Variants in SNX29 observed in about 807,000 individuals in gnomAD.
The protein encoded by SNX29 is sorting nexin-29.
A neutral mutation model predicts 102.1 loss-of-function variants in SNX29; 78 were observed. That is an observed-to-expected ratio of 0.76 (90% confidence interval 0.64 to 0.92). The LOEUF (loss-of-function observed/expected upper bound fraction) is 0.92, where lower values mean the gene tolerates loss of function less well. Among genes scored for constraint, SNX29 ranks in the 40% least tolerant of loss-of-function variants. The pLI is 0.00. For missense variants in SNX29, 1,280 were observed against 1,061.7 expected (o/e 1.21, Z -2.86); for synonymous variants, 580 against 414.5 (o/e 1.40, Z -4.85).
chr16:12,219,922 A>G (rs1176114775), intron 14 of SNX29, among the ~76,000 whole-genome samples: 1 of 152,146 alleles, frequency 6.6e-6, no homozygotes, highest in Non-Finnish European at 1.5e-5. Flanking sequence ...CCCCCAGCGC[A>G]CACACGTGTA....
intron 18 of SNX29, among the ~76,000 whole-genome samples, chr16:12,465,894 T>G (rs968768504): frequency 7.2e-5 from 11 of 152,160 alleles, no homozygotes; most frequent in African/African-American, 2.7e-4. Context: ...ATATAGATAT[T>G]TCACTTCCTT....
At chr16:12,177,764 TAACAGTG>T (rs973615471) in intron 13 of SNX29, among the ~76,000 whole-genome samples, 2 of 152,220 alleles carry the variant, frequency 1.3e-5, no homozygotes, top group African/African-American at 4.8e-5. Flanking sequence ...GCTTTGTCTG[TAACAGTG>T]TTAACTTCAA....
intron 19 of SNX29, among the ~76,000 whole-genome samples, chr16:12,522,941 G>T (rs2090155229): frequency 6.6e-6 from 1 of 152,182 alleles, no homozygotes. Flanking sequence ...CACCCATGTA[G>T]CTGGGACTAC....
intron 18 of SNX29, among the ~76,000 whole-genome samples, chr16:12,442,758 T>C (rs1248799719): frequency 6.6e-6 from 1 of 151,882 alleles, no homozygotes; most frequent in East Asian, 1.9e-4. Context: ...ACCTGGCTAA[T>C]TTTTTCTTTA....
At chr16:12,562,323 C>T (rs548552034) in intron 20 of SNX29, among the ~76,000 whole-genome samples, 32 of 152,302 alleles carry the variant, frequency 2.1e-4, no homozygotes, top group African/African-American at 7.7e-4. Context: ...TCCCAAGAAC[C>T]TGCAGGGCAG....
intron 18 of SNX29, among the ~76,000 whole-genome samples, chr16:12,408,942 C>G (rs1171484521): frequency 6.6e-6 from 1 of 152,224 alleles, no homozygotes; most frequent in African/African-American, 2.4e-5. Flanking sequence ...ACAGAGGATT[C>G]TAGCAAGAAG....
At chr16:12,105,365 C>T (rs2053192608) in intron 11 of SNX29, among the ~76,000 whole-genome samples, 1 of 152,068 alleles carries the variant, frequency 6.6e-6, no homozygotes, top group Non-Finnish European at 1.5e-5. Flanking sequence ...GCTGGGATTA[C>T]AGGCACACAC....
At chr16:12,210,138 G>A (rs941093021) in intron 14 of SNX29, among the ~76,000 whole-genome samples, 1 of 152,072 alleles carries the variant, frequency 6.6e-6, no homozygotes, top group East Asian at 1.9e-4. Flanking sequence ...ATCCCACTAC[G>A]TCGGCTACTT....
At position 12,569,196 on chromosome 16, in the gene SNX29, G is replaced by A. The variant is rs976115441; in HGVS notation, c.*567G>A. On this transcript the variant is annotated 3_prime_UTR_variant, in exon 21 of 21. Coordinates refer to ENST00000566228, the MANE Select transcript of SNX29 (RefSeq NM_032167.5). ...CAACAGTCATTAGACACCTGGCACT[G>A]TCACAGCTCACTTTTCCAGAGGGAT... 1.3e-4 allele frequency: 28 copies of A among 214,314 alleles called. No individual in the cohort carries two copies. The East Asian group carries it at 1.7e-3, about 13-fold the overall frequency. 13.3% of individuals were successfully genotyped at this position (214,314 alleles called of 1,614,324 possible).
chr16:11,996,542 A>AT (rs1171810966), intron 1 of SNX29, among the ~76,000 whole-genome samples: 2 of 152,022 alleles, frequency 1.3e-5, no homozygotes, highest in East Asian at 1.9e-4. Context: ...TTATTATTCT[A>AT]TTTTTTTCCT....
At chr16:12,537,116 A>C (rs1166166939) in intron 20 of SNX29, among the ~76,000 whole-genome samples, 4 of 152,208 alleles carry the variant, frequency 2.6e-5, no homozygotes, top group Non-Finnish European at 5.9e-5. Context: ...CTTTCCTCCC[A>C]GCTGTTGGTG....
chr16:12,203,672 A>G (rs937361709), intron 14 of SNX29, among the ~76,000 whole-genome samples: 2 of 152,172 alleles, frequency 1.3e-5, no homozygotes, highest in African/African-American at 4.8e-5. Context: ...TGTTTCCACA[A>G]CAGGGTTGTT....
At chr16:12,000,460 G>C (rs1249320442) in intron 2 of SNX29, 1 of 152,092 alleles carries the variant, frequency 6.6e-6, no homozygotes, top group Non-Finnish European at 1.5e-5. Context: ...GCAGTTGACG[G>C]TTATAATTAT....
chr16:12,051,749 G>A lies in SNX29; in HGVS notation c.749-98G>A, dbSNP rs2050312022. The A allele has an allele frequency of 8.1e-6, 12 of 1,490,428 alleles. 1 individual carries two copies. Among genetic ancestry groups the A allele is most frequent in the South Asian group, 1.3e-5 (1 of 74,098 alleles). The allele number at this position is 1,490,428 out of a possible 1,614,324, so 92.3% of individuals were successfully genotyped here. ...TCATGTTACAGTGTATTTCTCACTC[G>A]AATAGTATTTTCCATAACCTGGAGG... On this transcript the variant is annotated intron_variant, in intron 7 of 20. Coordinates refer to ENST00000566228, the MANE Select transcript of SNX29 (RefSeq NM_032167.5).
intron 20 of SNX29, among the ~76,000 whole-genome samples, chr16:12,555,840 C>T (rs1038907596): frequency 6.6e-6 from 1 of 152,030 alleles, no homozygotes; most frequent in African/African-American, 2.4e-5. Flanking sequence ...ACTGACCAAC[C>T]CCCCTCACCA....
At chr16:12,420,404 G>A (rs1404133520) in intron 18 of SNX29, among the ~76,000 whole-genome samples, 2 of 152,124 alleles carry the variant, frequency 1.3e-5, no homozygotes, top group African/African-American at 4.8e-5. Context: ...GTAAAATCAG[G>A]GTGTTTCATC....
chr16:12,102,543 T>A (rs867726704), intron 11 of SNX29, among the ~76,000 whole-genome samples: 1 of 152,234 alleles, frequency 6.6e-6, no homozygotes, highest in South Asian at 2.1e-4. Context: ...TTTCATATGT[T>A]TGTTGGCCAC....
At chr16:12,450,058 C>G (rs1811015962) in intron 18 of SNX29, among the ~76,000 whole-genome samples, 1 of 151,994 alleles carries the variant, frequency 6.6e-6, no homozygotes, top group Non-Finnish European at 1.5e-5. Flanking sequence ...AAGGGAAAAC[C>G]CCTTTTGCTT....
At chr16:12,152,189 C>G (rs571083063) in intron 13 of SNX29, among the ~76,000 whole-genome samples, 2 of 152,014 alleles carry the variant, frequency 1.3e-5, no homozygotes, top group African/African-American at 2.4e-5. Flanking sequence ...CCGTTGCACT[C>G]CAGCCTGGGC....
Sources: gnomAD v4.1 joint callset for allele counts (sites outside exome capture counted in the v4.1 genomes callset) on GRCh38, gnomAD v4.1.1 for gene constraint, MANE v1.5 for transcripts, NCBI Gene and HGNC (gene_info 2026-07-23, HGNC 2026-07-21) for gene names.